The following ADORA2A variants were observed in gnomAD, a reference collection of about 807,000 sequenced individuals.
ADORA2A encodes the protein adenosine A2a receptor.
ADORA2A carries 11 observed loss-of-function variants against 18.4 expected under a neutral mutation model. The ratio of observed to expected loss-of-function variants is 0.60; its 90% CI spans 0.38 to 0.99. ADORA2A has a LOEUF of 0.99. ADORA2A is among the 50% of genes least tolerant of loss of function. The probability of loss-of-function intolerance (pLI) is 0.01; values close to 1 mark genes in which losing one functional copy is unlikely to be tolerated. For missense variants in ADORA2A, 449 were observed against 556.1 expected, an observed-to-expected ratio of 0.81 and a Z score of 1.94; for synonymous variants, 218 against 237.3, an observed-to-expected ratio of 0.92 and a Z score of 0.75.
chr22:24,431,647 G>C, intron 1 of ADORA2A: 1 of 381,928 alleles, frequency 2.6e-6, no homozygotes, highest in Non-Finnish European at 5.2e-6. Flanking sequence ...AGGTGGTGGC[G>C]GCTGGCAACA....
At chr22:24,425,162 A>G (rs1429855252), upstream of ADORA2A, among the ~76,000 whole-genome samples, 1 of 151,670 alleles carries the variant, frequency 6.6e-6, no homozygotes, top group Non-Finnish European at 1.5e-5. Context: ...CCGATACTCC[A>G]TGACGCGCCA....
intron 2 of ADORA2A, among the ~76,000 whole-genome samples, chr22:24,437,454 G>C (rs571875146): frequency 6.6e-6 from 1 of 152,290 alleles, no homozygotes; most frequent in African/African-American, 2.4e-5. Flanking sequence ...GGGCCCTGAT[G>C]CTGTCCCCAC....
chr22:24,437,487 G>A (rs546652517), intron 2 of ADORA2A, among the ~76,000 whole-genome samples: 1 of 152,112 alleles, frequency 6.6e-6, no homozygotes, highest in Non-Finnish European at 1.5e-5. Context: ...AGGGTCCAGG[G>A]CTCTCAGCCT....
At chr22:24,437,814 G>A (rs1260375079) in intron 2 of ADORA2A, among the ~76,000 whole-genome samples, 1 of 152,232 alleles carries the variant, frequency 6.6e-6, no homozygotes, top group Non-Finnish European at 1.5e-5. Context: ...GTCAACAATT[G>A]GACAGACCAG....
chr22:24,425,993 G>T (rs552844115), upstream of ADORA2A, among the ~76,000 whole-genome samples: 9 of 152,368 alleles, frequency 5.9e-5, no homozygotes, highest in Middle Eastern at 3.4e-3. Context: ...GGGAGGGAGG[G>T]TGTTAGGCTT....
chr22:24,439,072 CTTTTTTTTTT>C (rs3032740), intron 2 of ADORA2A, among the ~76,000 whole-genome samples: 1,224 of 73,030 alleles, frequency 0.017, 26 homozygotes, highest in African/African-American at 0.051. Context: ...CCCCTTGCAC[CTTTTTTTTTT>C]TTTTTTTTTT....
At chr22:24,428,598 A>T (rs2042955301) in intron 1 of ADORA2A, among the ~76,000 whole-genome samples, 1 of 152,184 alleles carries the variant, frequency 6.6e-6, no homozygotes. Context: ...AGGTCTCTGA[A>T]ATCATTATTA....
At position 24,441,460 on chromosome 22, in the gene ADORA2A, CT is replaced by C. The variant is rs1249525186; in HGVS notation, c.1211del (p.Leu404ArgfsTer30). 6 of 1,518,668 alleles carry C rather than the reference CT, an allele frequency of 4.0e-6. No homozygotes were observed. Among genetic ancestry groups the C allele is most frequent in the Middle Eastern group, 1.8e-4 (1 of 5,590 alleles). The allele number at this position is 1,518,668 out of a possible 1,614,324, so 94.1% of individuals were successfully genotyped here. A position where few individuals can be genotyped will look rare whatever the true frequency, so the allele number is the denominator to read the frequency against. On this transcript the variant is annotated frameshift_variant, in exon 3 of 3. Coordinates refer to ENST00000337539, the MANE Select transcript of ADORA2A (RefSeq NM_000675.6). LOFTEE classifies it high-confidence loss of function. ...AGAGCCCCCTGGCCTAGATGACCCC[CT>C]GGCCCAGGATGGAGCAGGAGTGTCC... ...CPEPPGLDDP[L>X]AQDGAGVS
upstream of ADORA2A, among the ~76,000 whole-genome samples, chr22:24,427,313 C>T (rs1452456023): frequency 2.0e-5 from 3 of 152,282 alleles, no homozygotes; most frequent in Admixed American, 2.0e-4. Flanking sequence ...CGCACCTGCC[C>T]AGGGACCCAA....
chr22:24,425,718 G>A (rs1037483618), upstream of ADORA2A, among the ~76,000 whole-genome samples: 11 of 152,234 alleles, frequency 7.2e-5, no homozygotes, highest in African/African-American at 2.7e-4. Context: ...TCGCGATGGA[G>A]GAGGGCAATC....
intron 2 of ADORA2A, among the ~76,000 whole-genome samples, chr22:24,440,341 G>A (rs1426568881): frequency 1.3e-5 from 2 of 152,234 alleles, no homozygotes; most frequent in Admixed American, 1.3e-4. Flanking sequence ...CTGGGCATTT[G>A]TACATGGGTT....
intron 2 of ADORA2A, among the ~76,000 whole-genome samples, chr22:24,436,384 G>GC (rs988703910): frequency 1.3e-5 from 2 of 152,100 alleles, no homozygotes; most frequent in Admixed American, 6.5e-5. Flanking sequence ...CCTCAGGCCT[G>GC]CCCCACTCTC....
intron 2 of ADORA2A, among the ~76,000 whole-genome samples, chr22:24,434,193 G>C (rs973927355): frequency 1.3e-5 from 2 of 152,188 alleles, no homozygotes; most frequent in African/African-American, 4.8e-5. Flanking sequence ...GTTAGGAGCC[G>C]CCCGCCACCT....
chr22:24,433,452 T>G lies in ADORA2A; in HGVS notation c.48T>G (p.Ile16Met), dbSNP rs1237010978. 6.2e-7 allele frequency: 1 copy of G among 1,612,634 alleles called. No individual in the cohort carries two copies. Among genetic ancestry groups the G allele is most frequent in the Middle Eastern group, 1.6e-4 (1 of 6,062 alleles). The change falls in exon 2 of 3, where the codon ATT (isoleucine) becomes ATG (methionine). Residue 16 changes from isoleucine (I) to methionine (M), a missense_variant. Ile to Met is a conservative substitution (Grantham distance 10, BLOSUM62 1). Coordinates refer to ENST00000337539, the MANE Select transcript of ADORA2A (RefSeq NM_000675.6). ...TGTACATCACGGTGGAGCTGGCCAT[T>G]GCTGTGCTGGCCATCCTGGGCAATG... ...SSVYITVELA[I>M]AVLAILGNVL...
intron 1 of ADORA2A, chr22:24,432,397 G>C (rs1409458204): frequency 6.5e-6 from 1 of 152,886 alleles, no homozygotes; most frequent in African/African-American, 2.4e-5. Context: ...TGGGAGAGTT[G>C]ACGGGATGGA....
upstream of ADORA2A, among the ~76,000 whole-genome samples, chr22:24,426,749 C>T (rs755834173): frequency 1.2e-4 from 18 of 152,278 alleles, no homozygotes; most frequent in South Asian, 8.3e-4. Context: ...AGCAGAGCAG[C>T]TGCCCCTCGT....
chr22:24,439,116 G>C (rs1250257763), intron 2 of ADORA2A, among the ~76,000 whole-genome samples: 1 of 101,632 alleles, frequency 9.8e-6, no homozygotes, highest in Admixed American at 1.5e-4. Flanking sequence ...ACTGAGTCTT[G>C]CTCTGTCTCC....
At chr22:24,431,195 G>A (rs1250070504) in intron 1 of ADORA2A, 1 of 456,782 alleles carries the variant, frequency 2.2e-6, no homozygotes, top group Admixed American at 2.3e-5. Flanking sequence ...GGAAAGCAGG[G>A]GCTTGGGAGG....
chr22:24,441,603 G>T lies in ADORA2A; in HGVS notation c.*114G>T, dbSNP rs2043345821. 6.1e-6 allele frequency: 7 copies of T among 1,142,470 alleles called. No individual in the cohort carries two copies. The highest frequency in any genetic ancestry group is 8.1e-6 in the Non-Finnish European group (7 of 861,372). 70.8% of individuals were successfully genotyped at this position (1,142,470 alleles called of 1,614,324 possible). ...TGCCAGGAGACCCTGAGGGCAGCCG[G>T]TTCCTACTTTGGACTGAGAGAAGGG... On this transcript the variant is annotated 3_prime_UTR_variant, in exon 3 of 3. Transcript: ENST00000337539.
Sources: gnomAD v4.1 joint callset for allele counts (sites outside exome capture counted in the v4.1 genomes callset) on GRCh38, gnomAD v4.1.1 for gene constraint, MANE v1.5 for transcripts, NCBI Gene and HGNC (gene_info 2026-07-23, HGNC 2026-07-21) for gene names.